MAN1A2: variants seen among roughly 807,000 people sequenced by gnomAD.
MAN1A2 encodes mannosyl-oligosaccharide 1,2-alpha-mannosidase IB.
A neutral mutation model predicts 75.7 loss-of-function variants in MAN1A2; 26 were observed. The ratio of observed to expected loss-of-function variants is 0.34; its 90% CI spans 0.25 to 0.48. MAN1A2 has a LOEUF of 0.48. Ranked by LOEUF, MAN1A2 falls within the 20% of genes least tolerant of loss-of-function variation. The pLI is 0.99. For missense variants in MAN1A2, 562 were observed against 775.5 expected (o/e 0.72, Z 3.27); for synonymous variants, 247 against 264.6 (o/e 0.93, Z 0.65).
intron 5 of MAN1A2, among the ~76,000 whole-genome samples, chr1:117,426,489 A>G (rs1648377915): frequency 6.6e-6 from 1 of 152,162 alleles, no homozygotes; most frequent in Non-Finnish European, 1.5e-5. Flanking sequence ...CAAATTGAAA[A>G]CATCCTAAGT....
chr1:117,469,159 C>T (rs927873694), intron 8 of MAN1A2, among the ~76,000 whole-genome samples: 9 of 151,890 alleles, frequency 5.9e-5, no homozygotes, highest in Admixed American at 1.3e-4. Flanking sequence ...GGTGACAGAG[C>T]GAGACCCTCT....
Position 117,502,842 on chromosome 1 carries a change from A to T in MAN1A2, c.1678-13A>T. On this transcript the variant is annotated splice_polypyrimidine_tract_variant and intron_variant, in intron 11 of 12. Transcript: ENST00000356554. ...TCTACGGAATTGCTTATTTTGTCTGATCTCTTTCATAGGCCATTGAAAAGT... is the reference window on the plus strand; with the variant it reads ...TCTACGGAATTGCTTATTTTGTCTGTTCTCTTTCATAGGCCATTGAAAAGT... 1.4e-6 allele frequency: 2 copies of T among 1,393,308 alleles called. No homozygotes were observed. The highest frequency in any genetic ancestry group is 1.2e-5 in the South Asian group (1 of 83,802). 86.3% of individuals were successfully genotyped at this position (1,393,308 alleles called of 1,614,324 possible). A position where few individuals can be genotyped will look rare whatever the true frequency, so the allele number is the denominator to read the frequency against.
At chr1:117,399,276 A>G (rs1040417822) in intron 1 of MAN1A2, among the ~76,000 whole-genome samples, 19 of 152,176 alleles carry the variant, frequency 1.2e-4, no homozygotes, top group African/African-American at 4.1e-4. Context: ...TCTGAGTGAT[A>G]ACATATGAGC....
intron 3 of MAN1A2, among the ~76,000 whole-genome samples, chr1:117,410,252 A>G (rs542310181): frequency 1.3e-5 from 2 of 152,130 alleles, no homozygotes; most frequent in African/African-American, 4.8e-5. Context: ...GGAATTTATC[A>G]TAGAGATACG....
intron 6 of MAN1A2, 26 bp from the exon 7 acceptor site, chr1:117,460,462 CT>C: frequency 6.4e-7 from 1 of 1,570,504 alleles, no homozygotes; most frequent in Non-Finnish European, 8.7e-7. Flanking sequence ...AATCCTGTGT[CT>C]CCTTTTACTT....
intron 8 of MAN1A2, among the ~76,000 whole-genome samples, chr1:117,473,862 G>A (rs1051005028): frequency 1.3e-5 from 2 of 151,958 alleles, no homozygotes; most frequent in Admixed American, 6.6e-5. Context: ...GAATTAGAAG[G>A]CATTTAACTG....
chr1:117,522,208 T>C (rs1651888511), intron 12 of MAN1A2, among the ~76,000 whole-genome samples: 1 of 151,822 alleles, frequency 6.6e-6, no homozygotes, highest in Admixed American at 6.6e-5. Context: ...AGAGTCCTCA[T>C]CAGAACCAAT....
At chr1:117,496,342 T>G (rs762890682) in intron 9 of MAN1A2, among the ~76,000 whole-genome samples, 12 of 152,020 alleles carry the variant, frequency 7.9e-5, no homozygotes, top group Non-Finnish European at 1.6e-4. Flanking sequence ...TCTGATATAC[T>G]CAAGTTTAAT....
At chr1:117,417,552 T>A (rs1475616836) in intron 4 of MAN1A2, among the ~76,000 whole-genome samples, 4 of 142,412 alleles carry the variant, frequency 2.8e-5, no homozygotes, top group Non-Finnish European at 4.6e-5. Flanking sequence ...TATATATATA[T>A]ATATATGTGA....
chr1:117,402,404 A>T lies in MAN1A2; in HGVS notation c.521A>T (p.Asp174Val). ...GGAATACGTGGTGGAGACCCAGAAGATAATGACATAAGAGAGAAAAGGGAA... is the reference window on the plus strand; with the variant it reads ...GGAATACGTGGTGGAGACCCAGAAGTTAATGACATAAGAGAGAAAAGGGAA... ...LVGIRGGDPE[D>V]NDIREKREKI... Residue 174 changes from aspartate (D) to valine (V), a missense_variant, in exon 2 of 13, where the codon GAT (aspartate) becomes GTT (valine). Around this residue, in one of 2 missense-constraint regions of MAN1A2, gnomAD observed 434 missense variants for 645.7 expected, o/e 0.67. Coordinates refer to ENST00000356554, the MANE Select transcript of MAN1A2 (RefSeq NM_006699.5). 14 of 1,609,822 alleles carry T rather than the reference A, an allele frequency of 8.7e-6. No individual in the cohort carries two copies. Among genetic ancestry groups the T allele is most frequent in the Non-Finnish European group, 1.0e-5 (12 of 1,178,758 alleles).
intron 1 of MAN1A2, among the ~76,000 whole-genome samples, chr1:117,373,012 A>G (rs918995493): frequency 2.6e-5 from 4 of 152,214 alleles, no homozygotes; most frequent in African/African-American, 9.6e-5. Context: ...GCATTGTGCT[A>G]GACGTAATCA....
chr1:117,396,204 A>T (rs1570709085), intron 1 of MAN1A2, among the ~76,000 whole-genome samples: 1 of 152,226 alleles, frequency 6.6e-6, no homozygotes, highest in African/African-American at 2.4e-5. Context: ...GGTGTTTATG[A>T]CATGGCCAGC....
chr1:117,498,017 T>G (rs1452610306), intron 10 of MAN1A2, among the ~76,000 whole-genome samples: 1 of 151,970 alleles, frequency 6.6e-6, no homozygotes, highest in Admixed American at 6.6e-5. Context: ...CAGTAAGGAA[T>G]TAAACTTATG....
chr1:117,498,857 C>G (rs971891380), intron 10 of MAN1A2, among the ~76,000 whole-genome samples: 1 of 151,616 alleles, frequency 6.6e-6, no homozygotes, highest in African/African-American at 2.4e-5. Flanking sequence ...TTAAAATATC[C>G]ATTCATTTTT....
intron 1 of MAN1A2, among the ~76,000 whole-genome samples, chr1:117,383,861 T>C (rs1653435356): frequency 6.6e-6 from 1 of 152,144 alleles, no homozygotes; most frequent in Admixed American, 6.5e-5. Flanking sequence ...CCTTAAGTTA[T>C]CTTCCTGCCT....
chr1:117,500,762 A>G (rs1651175709), intron 11 of MAN1A2, among the ~76,000 whole-genome samples: 1 of 151,844 alleles, frequency 6.6e-6, no homozygotes, highest in Non-Finnish European at 1.5e-5. Context: ...TACTAGTGAA[A>G]TTCTCTGTGT....
At chr1:117,429,591 C>A (rs1485370878) in intron 5 of MAN1A2, among the ~76,000 whole-genome samples, 13 of 101,254 alleles carry the variant, frequency 1.3e-4, no homozygotes, top group East Asian at 6.3e-4. Flanking sequence ...CTGACCCCCC[C>A]ACCTCCCTCC....
intron 2 of MAN1A2, among the ~76,000 whole-genome samples, chr1:117,404,156 T>C (rs928046022): frequency 6.6e-6 from 1 of 152,230 alleles, no homozygotes; most frequent in African/African-American, 2.4e-5. Context: ...TAGATGTTGC[T>C]AATTTTTCTT....
chr1:117,505,489 A>G (rs948133207), intron 12 of MAN1A2, among the ~76,000 whole-genome samples: 1 of 151,052 alleles, frequency 6.6e-6, no homozygotes, highest in African/African-American at 2.4e-5. Flanking sequence ...CTATATATAT[A>G]TAGATAGATA....
Sources: gnomAD v4.1 joint callset for allele counts (sites outside exome capture counted in the v4.1 genomes callset) on GRCh38, gnomAD v4.1.1 for gene constraint, gnomAD v4.1.1 regional missense constraint, MANE v1.5 for transcripts, NCBI Gene and HGNC (gene_info 2026-07-23, HGNC 2026-07-21) for gene names.